HCN3: variants seen among roughly 807,000 people sequenced by gnomAD.
HCN3 encodes the protein potassium/sodium hyperpolarization-activated cyclic nucleotide-gated channel 3.
A neutral mutation model predicts 56.8 loss-of-function variants in HCN3; 36 were observed. That is an observed-to-expected ratio of 0.63 (90% CI 0.49 to 0.84). The LOEUF (loss-of-function observed/expected upper bound fraction) is 0.84, where lower values mean the gene tolerates loss of function less well. Among genes scored for constraint, HCN3 ranks in the 40% least tolerant of loss-of-function variants. HCN3 has a pLI of 0.00. For missense variants in HCN3, 930 were observed against 1,079.3 expected, an observed-to-expected ratio of 0.86 and a Z score of 1.94; for synonymous variants, 425 against 439.7, an observed-to-expected ratio of 0.97 and a Z score of 0.42.
In HCN3 at chr1:155,282,898, G is replaced by T; in HGVS notation, c.708+58G>T. ...GTGGGGGATGTTGGGGGAGAAGGGG[G>T]CGGGGCGGCTGGTGGACTTCTCTAG... is the stretch of plus-strand genomic sequence containing the variant. On this transcript the variant is annotated intron_variant, in intron 2 of 7. Coordinates refer to ENST00000368358, the MANE Select transcript of HCN3 (RefSeq NM_020897.3). This position sits in a 1 kb window ranked among gnomAD's most constrained non-coding sequence, Gnocchi z 4.7. 7.1e-7 allele frequency: 1 copy of T among 1,413,592 alleles called. No homozygotes were observed. The allele number at this position is 1,413,592 out of a possible 1,614,324, so 87.6% of individuals were successfully genotyped here.
At position 155,284,371 on chromosome 1, in the gene HCN3, GA is replaced by G; in HGVS notation, c.871-167del. 1 of 867,012 alleles carries G rather than the reference GA, an allele frequency of 1.2e-6. No individual in the cohort carries two copies. The highest frequency in any genetic ancestry group is 1.7e-6 in the Non-Finnish European group (1 of 579,876). 53.7% of individuals were successfully genotyped at this position (867,012 alleles called of 1,614,324 possible). On this transcript the variant is annotated intron_variant, in intron 3 of 7. Transcript: ENST00000368358. The surrounding 1 kb of genome is among the most constrained non-coding windows in gnomAD (Gnocchi z 4.3). ...AAGCTGAGGCCCCCAAGTTGCAATA[GA>G]GGACCCTTTTGCCTCAGGGCCCCCC...
In HCN3 at chr1:155,284,499, G is replaced by A. The variant is rs764346649; in HGVS notation, c.871-40G>A. Reference sequence around the variant, plus strand: ...GGGCAGGCAGAGAATGAGGCTCCGAGGGGCCCATGCCCAGCTCTGCAATAT... The same window carrying A: ...GGGCAGGCAGAGAATGAGGCTCCGAAGGGCCCATGCCCAGCTCTGCAATAT... On this transcript the variant is annotated intron_variant, in intron 3 of 7. Transcript: ENST00000368358. The surrounding 1 kb of genome is among the most constrained non-coding windows in gnomAD (Gnocchi z 4.3). The A allele has an allele frequency of 6.4e-7, 1 of 1,572,236 alleles. No homozygotes were observed. Among genetic ancestry groups the A allele is most frequent in the Non-Finnish European group, 8.7e-7 (1 of 1,150,712 alleles).
chr1:155,282,513 C>T lies in HCN3; in HGVS notation c.381C>T (p.Ile127=), dbSNP rs762157163. ...FFKEENSPPW[I]VFNVLSDTFF... is the part of the protein sequence containing the mutation. Reference sequence around the variant, plus strand: ...AGGAGGAGAACTCCCCGCCTTGGATCGTCTTCAACGTATTGTCTGATACTT... The same window carrying T: ...AGGAGGAGAACTCCCCGCCTTGGATTGTCTTCAACGTATTGTCTGATACTT... The change falls in exon 2 of 8, where the codon ATC becomes ATT. Residue 127 remains isoleucine (I), a synonymous_variant. Transcript: ENST00000368358. This position sits in a 1 kb window ranked among gnomAD's most constrained non-coding sequence, Gnocchi z 4.7. 2.5e-6 allele frequency: 4 copies of T among 1,614,236 alleles called. No homozygotes were observed. The Admixed American group carries it at 6.7e-5, about 27-fold the overall frequency.
In HCN3 at chr1:155,288,216, T is replaced by C; in HGVS notation, c.2078T>C (p.Leu693Pro). The change falls in exon 8 of 8, where the codon CTG becomes CCG. Residue 693 changes from leucine (L) to proline (P), a missense_variant. Transcript: ENST00000368358. The surrounding 1 kb of genome is among the most constrained non-coding windows in gnomAD (Gnocchi z 6.5). ...LSRAGRSQVSLLGPPPGGGGR... is the reference protein window; with the variant it reads ...LSRAGRSQVSPLGPPPGGGGR... ...CGGGCAGGGCGCTCCCAGGTCTCCC[T>C]GCTGGGTCCCCCTCCAGGAGGAGGT... 1 of 1,577,250 alleles carries C rather than the reference T, an allele frequency of 6.3e-7. No homozygotes were observed. The highest frequency in any genetic ancestry group is 8.6e-7 in the Non-Finnish European group (1 of 1,166,098).
intron 1 of HCN3, among the ~76,000 whole-genome samples, chr1:155,279,611 G>A (rs555994872): frequency 6.6e-6 from 1 of 152,326 alleles, no homozygotes; most frequent in Admixed American, 6.5e-5. Flanking sequence ...GGGTCCAACT[G>A]TGTTGGAGAA....
Position 155,288,545 on chromosome 1 carries a change from GGGACCTGA to G in HCN3, c.*83_*90del. ...CAGATGCCTCTTGGGGAAGGCCATG[GGGACCTGA>G]AACATTGCCCCATGGAAATGTCGAC... On this transcript the variant is annotated 3_prime_UTR_variant, in exon 8 of 8. Transcript: ENST00000368358. The surrounding 1 kb of genome is among the most constrained non-coding windows in gnomAD (Gnocchi z 6.5). 6.7e-7 allele frequency: 1 copy of G among 1,491,598 alleles called. No homozygotes were observed. Among genetic ancestry groups the G allele is most frequent in the Non-Finnish European group, 9.0e-7 (1 of 1,113,630 alleles). 92.4% of individuals were successfully genotyped at this position (1,491,598 alleles called of 1,614,324 possible).
In HCN3 at chr1:155,284,629, G is replaced by A; in HGVS notation, c.961G>A (p.Gly321Ser). Residue 321 changes from glycine to serine, a missense_variant, in exon 4 of 8, where the codon GGC (glycine) becomes AGC (serine). Physicochemically the swap from Gly to Ser is moderately conservative, Grantham distance 56. Coordinates refer to ENST00000368358, the MANE Select transcript of HCN3 (RefSeq NM_020897.3). This position sits in a 1 kb window ranked among gnomAD's most constrained non-coding sequence, Gnocchi z 4.3. The part of the protein sequence containing the change: ...CIGYGQQAPV[G>S]MPDVWLTMLS... ...TGGCTATGGGCAGCAGGCACCTGTA[G>A]GCATGCCCGACGTCTGGCTCACCAT... is the stretch of plus-strand genomic sequence containing the variant. The A allele has an allele frequency of 1.9e-6, 3 of 1,614,110 alleles. No homozygotes were observed. Among genetic ancestry groups the A allele is most frequent in the Non-Finnish European group, 2.5e-6 (3 of 1,180,048 alleles).
Position 155,285,839 on chromosome 1 carries a change from C to T in HCN3, c.1352C>T (p.Pro451Leu), listed in dbSNP as rs144344896. 92 of 1,614,190 alleles carry T rather than the reference C, an allele frequency of 5.7e-5. No individual in the cohort carries two copies. The highest frequency in any genetic ancestry group is 6.4e-5 in the Non-Finnish European group (75 of 1,180,038). Residue 451 changes from proline to leucine, a missense_variant, in exon 6 of 8, where the codon CCG (proline) becomes CTG (leucine). Pro to Leu is a moderately conservative substitution (Grantham distance 98). Transcript: ENST00000368358. This position sits in a 1 kb window ranked among gnomAD's most constrained non-coding sequence, Gnocchi z 4.5. The part of the protein sequence containing the change: ...LTKLRFEVFQ[P>L]GDLVVREGSV... ...AAGCTGCGCTTTGAGGTCTTCCAGCCGGGGGATCTCGTGGTGCGTGAGGGC... is the reference window on the plus strand; with the variant it reads ...AAGCTGCGCTTTGAGGTCTTCCAGCTGGGGGATCTCGTGGTGCGTGAGGGC...
At position 155,288,446 on chromosome 1, in the gene HCN3, C is replaced by T. The variant is rs1017105999; in HGVS notation, c.2308C>T (p.Leu770Phe). Reference protein sequence around the residue: ...PEPATPRGLQLSANM With the variant: ...PEPATPRGLQFSANM ...GCCAGCCACACCCCGGGGTCTCCAG[C>T]TTTCTGCCAACATGTAAAACCTTTG... is the stretch of plus-strand genomic sequence containing the variant. The change falls in exon 8 of 8, where the codon CTT (leucine) becomes TTT (phenylalanine). Residue 770 changes from leucine (L) to phenylalanine (F), a missense_variant. Leu to Phe is a conservative substitution (Grantham distance 22). Transcript: ENST00000368358. The surrounding 1 kb of genome is among the most constrained non-coding windows in gnomAD (Gnocchi z 6.5). 1.6e-5 allele frequency: 26 copies of T among 1,601,110 alleles called. No homozygotes were observed. Among genetic ancestry groups the T allele is most frequent in the Non-Finnish European group, 1.5e-5 (18 of 1,174,526 alleles).
intron 1 of HCN3, among the ~76,000 whole-genome samples, chr1:155,279,238 A>C (rs2148165283): frequency 6.6e-6 from 1 of 152,262 alleles, no homozygotes; most frequent in South Asian, 2.1e-4. Flanking sequence ...AAACCACCAT[A>C]GGTAACTGAG....
rs758400931 is a variant in HCN3 at position 155,287,818 on chromosome 1, G to A, written c.1680G>A (p.Glu560=). The A allele has an allele frequency of 6.2e-6, 10 of 1,606,276 alleles. No individual in the cohort carries two copies. The East Asian group carries it at 2.0e-4, about 32-fold the overall frequency. Reference sequence around the variant, plus strand: ...CCATACTGCAGCGGAAGCGCTCCGAGCCAAGTCCAGGCAGCAGTGGTGGCA... The same window carrying A: ...CCATACTGCAGCGGAAGCGCTCCGAACCAAGTCCAGGCAGCAGTGGTGGCA... ...KNSILQRKRS[E]PSPGSSGGIM... Residue 560 remains glutamate (E), a synonymous_variant, in exon 8 of 8, where the codon GAG becomes GAA. Coordinates refer to ENST00000368358, the MANE Select transcript of HCN3 (RefSeq NM_020897.3).
Position 155,285,455 on chromosome 1 carries a change from G to A in HCN3, c.1236+144G>A. ...GGGAGGCCAGGTATTTGGGCTTTCA[G>A]GGGCTAGGGTCTTTCTTGAAGGCCC... is the stretch of plus-strand genomic sequence containing the variant. On this transcript the variant is annotated intron_variant, in intron 5 of 7. Coordinates refer to ENST00000368358, the MANE Select transcript of HCN3 (RefSeq NM_020897.3). This position sits in a 1 kb window ranked among gnomAD's most constrained non-coding sequence, Gnocchi z 4.5. 1 of 1,134,504 alleles carries A rather than the reference G, an allele frequency of 8.8e-7. No homozygotes were observed. The highest frequency in any genetic ancestry group is 1.2e-6 in the Non-Finnish European group (1 of 811,662). 70.3% of individuals were successfully genotyped at this position (1,134,504 alleles called of 1,614,324 possible).
chr1:155,285,249 T>C lies in HCN3; in HGVS notation c.1174T>C (p.Tyr392His), dbSNP rs895568066. The change falls in exon 5 of 8, where the codon TAC becomes CAC. Residue 392 changes from tyrosine (Y) to histidine (H), a missense_variant. Coordinates refer to ENST00000368358, the MANE Select transcript of HCN3 (RefSeq NM_020897.3). The surrounding 1 kb of genome is among the most constrained non-coding windows in gnomAD (Gnocchi z 4.5). ...QRIHEYYEHR[Y>H]QGKMFDEESI... is the part of the protein sequence containing the mutation. ...CATCCACGAGTACTATGAGCACCGC[T>C]ACCAGGGCAAGATGTTCGATGAGGA... 1.2e-6 allele frequency: 2 copies of C among 1,613,940 alleles called. No homozygotes were observed. The highest frequency in any genetic ancestry group is 2.7e-5 in the African/African-American group (2 of 74,936).
In HCN3 at chr1:155,284,852, GTC is replaced by G; in HGVS notation, c.1089+99_1089+100del. On this transcript the variant is annotated intron_variant, in intron 4 of 7. Coordinates refer to ENST00000368358, the MANE Select transcript of HCN3 (RefSeq NM_020897.3). The surrounding 1 kb of genome is among the most constrained non-coding windows in gnomAD (Gnocchi z 4.3). ...CCATTCTGATGTGTGCCCCTGTTGC[GTC>G]TCTGTTTCCTTTCCTGCCCTGTGTC... 6 of 1,147,388 alleles carry G rather than the reference GTC, an allele frequency of 5.2e-6. No individual in the cohort carries two copies. Among genetic ancestry groups the G allele is most frequent in the East Asian group, 2.6e-5 (1 of 39,000 alleles). The allele number at this position is 1,147,388 out of a possible 1,614,324, so 71.1% of individuals were successfully genotyped here.
In HCN3 at chr1:155,282,808, C is replaced by A; in HGVS notation, c.676C>A (p.Arg226Ser). 1 of 1,613,450 alleles carries A rather than the reference C, an allele frequency of 6.2e-7. No homozygotes were observed. Among genetic ancestry groups the A allele is most frequent in the Non-Finnish European group, 8.5e-7 (1 of 1,179,954 alleles). Residue 226 changes from arginine (R) to serine (S), a missense_variant, in exon 2 of 8, where the codon CGC (arginine) becomes AGC (serine). Physicochemically the swap from Arg to Ser is moderately radical, Grantham distance 110. Coordinates refer to ENST00000368358, the MANE Select transcript of HCN3 (RefSeq NM_020897.3). The surrounding 1 kb of genome is among the most constrained non-coding windows in gnomAD (Gnocchi z 4.7). ...LSLLRLLRLS[R>S]LIRYIHQWEE... The stretch of plus-strand genomic sequence containing the variant: ...CCTGCTGAGGCTGCTCCGCCTCTCC[C>A]GCCTCATCCGCTACATACACCAGTG...
chr1:155,283,631 G>A (rs1674162872), intron 2 of HCN3, among the ~76,000 whole-genome samples: 1 of 144,952 alleles, frequency 6.9e-6, no homozygotes, highest in Admixed American at 7.2e-5. Flanking sequence ...ATATGCCCTG[G>A]AGACATTACA....
At position 155,277,634 on chromosome 1, in the gene HCN3, C is replaced by T. The variant is rs1372735862; in HGVS notation, c.44C>T (p.Ala15Val). The change falls in exon 1 of 8, where the codon GCG becomes GTG. Residue 15 changes from alanine (A) to valine (V), a missense_variant. Transcript: ENST00000368358. ...QRPAAGASEG[A>V]TPGLEAVPPV... Reference sequence around the variant, plus strand: ...CCGGCGGCGGGGGCCAGCGAAGGGGCGACCCCTGGACTGGAGGCGGTGCCT... The same window carrying T: ...CCGGCGGCGGGGGCCAGCGAAGGGGTGACCCCTGGACTGGAGGCGGTGCCT... 6.4e-7 allele frequency: 1 copy of T among 1,554,588 alleles called. No homozygotes were observed.
chr1:155,285,337 G>A lies in HCN3; in HGVS notation c.1236+26G>A. On this transcript the variant is annotated intron_variant, in intron 5 of 7. Coordinates refer to ENST00000368358, the MANE Select transcript of HCN3 (RefSeq NM_020897.3). This position sits in a 1 kb window ranked among gnomAD's most constrained non-coding sequence, Gnocchi z 4.5. ...GTGGGGCTGGGTTGGGCCTGGAAGGGGGGCTCTTCAGGGACCTGGAGTGCT... is the reference window on the plus strand; with the variant it reads ...GTGGGGCTGGGTTGGGCCTGGAAGGAGGGCTCTTCAGGGACCTGGAGTGCT... 6.2e-7 allele frequency: 1 copy of A among 1,612,264 alleles called. No individual in the cohort carries two copies. Among genetic ancestry groups the A allele is most frequent in the African/African-American group, 1.3e-5 (1 of 75,052 alleles).
At chr1:155,279,648 AG>A (rs1194931175) in intron 1 of HCN3, among the ~76,000 whole-genome samples, 2 of 152,168 alleles carry the variant, frequency 1.3e-5, no homozygotes, top group Non-Finnish European at 2.9e-5. Context: ...AAGGCTGGGG[AG>A]GGCATGAGGT....
Sources: gnomAD v4.1 joint callset for allele counts (sites outside exome capture counted in the v4.1 genomes callset) on GRCh38, gnomAD v4.1.1 for gene constraint, Gnocchi (gnomAD v3.1) non-coding constraint, MANE v1.5 for transcripts, NCBI Gene and HGNC (gene_info 2026-07-23, HGNC 2026-07-21) for gene names.